Variants in WWTR1 observed in about 807,000 individuals in gnomAD.
WWTR1 encodes the protein WW domain-containing transcription regulator protein 1.
In WWTR1, 13 loss-of-function variants were observed where a neutral mutation model predicts 40.1. The observed-to-expected ratio is 0.32, with a 90% confidence interval of 0.21 to 0.52. WWTR1 has a LOEUF of 0.52. Ranked by LOEUF, WWTR1 falls within the 20% of genes least tolerant of loss-of-function variation. WWTR1 has a pLI of 0.97. For missense variants in WWTR1, 436 were observed against 523.1 expected (o/e 0.83, Z 1.63); for synonymous variants, 230 against 210.1 (o/e 1.09, Z -0.82).
chr3:149,631,051 T>C (rs1039127051), intron 2 of WWTR1, among the ~76,000 whole-genome samples: 3 of 152,170 alleles, frequency 2.0e-5, no homozygotes, highest in Admixed American at 2.0e-4. Flanking sequence ...TGTTGACCTT[T>C]TCACAGTTGC....
chr3:149,647,977 G>T (rs974708362), intron 2 of WWTR1, among the ~76,000 whole-genome samples: 1 of 152,140 alleles, frequency 6.6e-6, no homozygotes, highest in Non-Finnish European at 1.5e-5. Context: ...GTCAGTACAA[G>T]CTCCTCTTAG....
At chr3:149,659,911 C>T (rs7637982), upstream of WWTR1, 2,398 of 144,710 alleles carry the variant, frequency 0.017, 66 homozygotes, top group African/African-American at 0.058. Context: ...CAGGCATACA[C>T]GTATCATCCT....
intron 1 of WWTR1, among the ~76,000 whole-genome samples, chr3:149,690,300 C>T (rs1714782227): frequency 6.6e-6 from 1 of 152,068 alleles, no homozygotes. Flanking sequence ...ATGAACTAAA[C>T]TCTCCAATCA....
chr3:149,652,451 T>C (rs1468794911), intron 2 of WWTR1, among the ~76,000 whole-genome samples: 2 of 150,384 alleles, frequency 1.3e-5, no homozygotes, highest in Non-Finnish European at 3.0e-5. Context: ...GGAAACCCTG[T>C]CTCTACAAAA....
chr3:149,642,668 G>A (rs905026623), intron 2 of WWTR1, among the ~76,000 whole-genome samples: 7 of 151,946 alleles, frequency 4.6e-5, no homozygotes, highest in African/African-American at 1.7e-4. Flanking sequence ...CCAGCTATTC[G>A]GGAGGCTGAG....
At chr3:149,674,099 A>G (rs13071738) in intron 1 of WWTR1, among the ~76,000 whole-genome samples, 29,385 of 149,558 alleles carry the variant, frequency 0.2, 3,160 homozygotes, top group Admixed American at 0.3. Context: ...GCAGGCCTGT[A>G]GTCCCAGCTA....
chr3:149,647,216 TGAAA>T (rs937842659), intron 2 of WWTR1, among the ~76,000 whole-genome samples: 13 of 151,836 alleles, frequency 8.6e-5, no homozygotes, highest in African/African-American at 3.1e-4. Context: ...TGGAGGAGAG[TGAAA>T]GAAAGACTCT....
At chr3:149,526,974 T>C (rs928055232) in intron 5 of WWTR1, among the ~76,000 whole-genome samples, 34 of 152,350 alleles carry the variant, frequency 2.2e-4, no homozygotes, top group African/African-American at 7.5e-4. Context: ...TAAACTCACA[T>C]AGAAGACGCA....
At chr3:149,671,434 G>A (rs1269576535) in intron 1 of WWTR1, among the ~76,000 whole-genome samples, 1 of 152,082 alleles carries the variant, frequency 6.6e-6, no homozygotes, top group African/African-American at 2.4e-5. Flanking sequence ...AGTCTATAAG[G>A]GTTCTTTGAA....
chr3:149,667,153 T>C (rs1189963149), intron 2 of WWTR1, among the ~76,000 whole-genome samples: 1 of 152,214 alleles, frequency 6.6e-6, no homozygotes, highest in Non-Finnish European at 1.5e-5. Context: ...CTAATTAATA[T>C]GAAACATTGG....
chr3:149,580,085 G>A (rs959206971), intron 2 of WWTR1, among the ~76,000 whole-genome samples: 8 of 152,174 alleles, frequency 5.3e-5, no homozygotes, highest in African/African-American at 1.9e-4. Context: ...TAGAATACAA[G>A]TATGCAAAAG....
chr3:149,713,307 AT>A (rs1488722551), intron 5 of WWTR1, among the ~76,000 whole-genome samples: 3 of 152,178 alleles, frequency 2.0e-5, no homozygotes, highest in African/African-American at 4.8e-5. Flanking sequence ...TCTGAAAAAA[AT>A]AAAACCATGA....
intron 2 of WWTR1, among the ~76,000 whole-genome samples, chr3:149,591,624 A>G (rs6805577): frequency 0.32 from 49,381 of 151,958 alleles, 8,570 homozygotes; most frequent in East Asian, 0.63. Flanking sequence ...ATAAATTCCA[A>G]TTTTTCTAAG....
intron 3 of WWTR1, among the ~76,000 whole-genome samples, chr3:149,551,921 C>T (rs1736633731): frequency 6.9e-6 from 1 of 145,792 alleles, no homozygotes. Context: ...CTTTTGTATC[C>T]ATATTATGTG....
At chr3:149,717,639 G>C (rs1715645198) in intron 4 of WWTR1, 1 of 152,214 alleles carries the variant, frequency 6.6e-6, no homozygotes, top group Non-Finnish European at 1.5e-5. Flanking sequence ...TGGTGCCCAA[G>C]AAGTGAAGGA....
At chr3:149,624,187 G>C (rs1017607405) in intron 2 of WWTR1, among the ~76,000 whole-genome samples, 4 of 152,080 alleles carry the variant, frequency 2.6e-5, no homozygotes, top group Non-Finnish European at 5.9e-5. Flanking sequence ...ACAGATACTG[G>C]CATACATTGA....
At chr3:149,569,656 T>G (rs1464927751) in intron 3 of WWTR1, among the ~76,000 whole-genome samples, 1 of 152,256 alleles carries the variant, frequency 6.6e-6, no homozygotes, top group Non-Finnish European at 1.5e-5. Flanking sequence ...AAGGTACTAT[T>G]CTATCATCTG....
In WWTR1 at chr3:149,572,876, G is replaced by C; in HGVS notation, c.556C>G (p.Gln186Glu). The change falls in exon 3 of 7, where the codon CAG becomes GAG. Residue 186 changes from glutamine to glutamate, a missense_variant. Physicochemically the swap from Gln to Glu is conservative, Grantham distance 29. Coordinates refer to ENST00000360632, the MANE Select transcript of WWTR1 (RefSeq NM_015472.6). ...PVPQRSMAVS[Q>E]PNLVMNHQHQ... ...GCTTGAGGCTTACCGAGATTTGGCT[G>C]GGATACTGCCATGGACCTCTGAGGC... 1 of 1,613,786 alleles carries C rather than the reference G, an allele frequency of 6.2e-7. No individual in the cohort carries two copies. The highest frequency in any genetic ancestry group is 8.5e-7 in the Non-Finnish European group (1 of 1,179,960).
chr3:149,599,365 G>T (rs1242066389), intron 2 of WWTR1, among the ~76,000 whole-genome samples: 1 of 152,234 alleles, frequency 6.6e-6, no homozygotes, highest in Non-Finnish European at 1.5e-5. Flanking sequence ...GCCAGTAATG[G>T]TTGTCAAGGG....
Sources: gnomAD v4.1 joint callset for allele counts (sites outside exome capture counted in the v4.1 genomes callset) on GRCh38, gnomAD v4.1.1 for gene constraint, MANE v1.5 for transcripts, NCBI Gene and HGNC (gene_info 2026-07-23, HGNC 2026-07-21) for gene names.